ANKH: variants seen among roughly 807,000 people sequenced by gnomAD.
The protein encoded by ANKH is ANKH inorganic pyrophosphate transport regulator.
A neutral mutation model predicts 49.0 loss-of-function variants in ANKH; 15 were observed. That is an observed-to-expected ratio of 0.31 (90% confidence interval 0.20 to 0.47). The LOEUF (loss-of-function observed/expected upper bound fraction) is 0.47, where lower values mean the gene tolerates loss of function less well. ANKH is among the 20% of genes least tolerant of loss of function. The pLI is 1.00. For missense variants in ANKH, 429 were observed against 652.0 expected (o/e 0.66, Z 3.72); for synonymous variants, 273 against 260.0 (o/e 1.05, Z -0.48).
chr5:14,728,552 C>T (rs898357673), intron 8 of ANKH, among the ~76,000 whole-genome samples: 14 of 152,306 alleles, frequency 9.2e-5, no homozygotes, highest in African/African-American at 3.4e-4. Flanking sequence ...GGTGGCCCAG[C>T]ATTAACAAAG....
chr5:14,750,733 G>A (rs1034887755), intron 5 of ANKH, among the ~76,000 whole-genome samples: 12 of 152,094 alleles, frequency 7.9e-5, no homozygotes, highest in Non-Finnish European at 2.9e-5. Context: ...AGGTATCGTG[G>A]GTCCTAAAAC....
chr5:14,841,388 C>T (rs1159719171), intron 1 of ANKH, among the ~76,000 whole-genome samples: 1 of 151,970 alleles, frequency 6.6e-6, no homozygotes, highest in Non-Finnish European at 1.5e-5. Context: ...CCTCCGCCTC[C>T]CGGGTTCAAG....
At chr5:14,744,812 C>A (rs1336990296) in intron 7 of ANKH, among the ~76,000 whole-genome samples, 4 of 152,336 alleles carry the variant, frequency 2.6e-5, no homozygotes, top group African/African-American at 7.2e-5. Context: ...CTCAGGGGGG[C>A]ATTTTGGAAG....
chr5:14,829,618 C>G (rs1255126214), intron 1 of ANKH, among the ~76,000 whole-genome samples: 1 of 152,194 alleles, frequency 6.6e-6, no homozygotes, highest in Non-Finnish European at 1.5e-5. Flanking sequence ...ATCTAGAATT[C>G]ACTTCTGCCA....
chr5:14,731,790 G>A (rs1325299765), intron 8 of ANKH, among the ~76,000 whole-genome samples: 1 of 152,244 alleles, frequency 6.6e-6, no homozygotes, highest in African/African-American at 2.4e-5. Flanking sequence ...AGCAGGTATA[G>A]CCTTAGGCTG....
intron 1 of ANKH, among the ~76,000 whole-genome samples, chr5:14,864,527 G>T (rs1285734912): frequency 6.6e-6 from 1 of 152,166 alleles, no homozygotes. Flanking sequence ...GACTAAGGAG[G>T]TCACAGTGTC....
At position 14,713,117 on chromosome 5, in the gene ANKH, C is replaced by T. The variant is rs1561018279; in HGVS notation, c.1266-144G>A. 1 of 811,202 alleles carries T rather than the reference C, an allele frequency of 1.2e-6. No homozygotes were observed. The highest frequency in any genetic ancestry group is 2.0e-5 in the Admixed American group (1 of 49,126). 50.3% of individuals were successfully genotyped at this position (811,202 alleles called of 1,614,324 possible). On this transcript the variant is annotated intron_variant, in intron 10 of 11. Coordinates refer to ENST00000284268, the MANE Select transcript of ANKH (RefSeq NM_054027.6). The surrounding 1 kb of genome is among the most constrained non-coding windows in gnomAD (Gnocchi z 4.4). ...CCATCTGCTGGCTTCGTAAGGGCCGCAGCTAATAACCTAATGTGTGAGGGG... is the reference window on the plus strand; with the variant it reads ...CCATCTGCTGGCTTCGTAAGGGCCGTAGCTAATAACCTAATGTGTGAGGGG...
At position 14,709,911 on chromosome 5, in the gene ANKH, TTAAAA is replaced by T. The variant is rs1436642089; in HGVS notation, c.*1281_*1285del. 1 of 152,566 alleles carries T rather than the reference TTAAAA, an allele frequency of 6.6e-6. No individual in the cohort carries two copies. Among genetic ancestry groups the T allele is most frequent in the Non-Finnish European group, 1.5e-5 (1 of 68,052 alleles). 9.5% of individuals were successfully genotyped at this position (152,566 alleles called of 1,614,324 possible). A position where few individuals can be genotyped will look rare whatever the true frequency, so the allele number is the denominator to read the frequency against. On this transcript the variant is annotated 3_prime_UTR_variant, in exon 12 of 12. Coordinates refer to ENST00000284268, the MANE Select transcript of ANKH (RefSeq NM_054027.6). ...ACATATACAGCATATATTTATATCTTTAAAATATTTTTTTTTTTAGGTTCTTTCAG... is the reference window on the plus strand; with the variant it reads ...ACATATACAGCATATATTTATATCTTTATTTTTTTTTTTAGGTTCTTTCAG...
intron 1 of ANKH, among the ~76,000 whole-genome samples, chr5:14,824,223 T>G (rs999029983): frequency 3.9e-5 from 6 of 152,062 alleles, no homozygotes; most frequent in African/African-American, 1.5e-4. Flanking sequence ...AGTGATTTAT[T>G]TTTCAGATTT....
At chr5:14,749,018 C>T (rs1464431612) in intron 6 of ANKH, among the ~76,000 whole-genome samples, 154 bp downstream of exon 6, 1 of 152,218 alleles carries the variant, frequency 6.6e-6, no homozygotes, top group South Asian at 2.1e-4. Flanking sequence ...CTATAAGTCA[C>T]CGAACGAGAT....
At chr5:14,805,437 A>ATG (rs1337395956) in intron 1 of ANKH, among the ~76,000 whole-genome samples, 2 of 109,096 alleles carry the variant, frequency 1.8e-5, no homozygotes, top group African/African-American at 7.2e-5. Context: ...AAACATATAT[A>ATG]TGTGTGTGTG....
At chr5:14,718,839 C>CAA (rs1391402293) in intron 8 of ANKH, among the ~76,000 whole-genome samples, 1 of 133,826 alleles carries the variant, frequency 7.5e-6, no homozygotes, top group African/African-American at 2.8e-5. Context: ...ACCCCCCCCC[C>CAA]AAAAAAAAAA....
chr5:14,780,098 T>TG (rs1561051974), intron 1 of ANKH, among the ~76,000 whole-genome samples: 2 of 150,586 alleles, frequency 1.3e-5, no homozygotes, highest in African/African-American at 4.9e-5. Context: ...AAGCTGAGTG[T>TG]GCCGCTGACA....
intron 8 of ANKH, among the ~76,000 whole-genome samples, chr5:14,721,725 T>C (rs1043844369): frequency 6.6e-5 from 10 of 151,974 alleles, no homozygotes; most frequent in South Asian, 4.1e-4. Flanking sequence ...GGTCAGGAGA[T>C]CGAGACCATC....
At position 14,758,575 on chromosome 5, in the gene ANKH, TGTA is replaced by T; in HGVS notation, c.334_336del (p.Tyr112del). On this transcript the variant is annotated inframe_deletion, in exon 3 of 12. Transcript: ENST00000284268. ...TCCACATGGTGCAGTTTATTGATAA[TGTA>T]GTATCCTAAATCACTATAAGCTGCA... The T allele has an allele frequency of 6.2e-7, 1 of 1,613,666 alleles. No individual in the cohort carries two copies. Among genetic ancestry groups the T allele is most frequent in the Non-Finnish European group, 8.5e-7 (1 of 1,179,518 alleles).
intron 7 of ANKH, among the ~76,000 whole-genome samples, chr5:14,744,562 G>A (rs1580026222): frequency 7.4e-6 from 1 of 135,042 alleles, no homozygotes; most frequent in Admixed American, 7.1e-5. Flanking sequence ...TGTGGAGGTG[G>A]ACGTGTGTGT....
chr5:14,853,787 C>T (rs1163491278), intron 1 of ANKH, among the ~76,000 whole-genome samples: 1 of 151,996 alleles, frequency 6.6e-6, no homozygotes, highest in Non-Finnish European at 1.5e-5. Flanking sequence ...AAACTATATA[C>T]TAAAAACAAA....
At chr5:14,748,246 G>A (rs1240855045) in intron 6 of ANKH, among the ~76,000 whole-genome samples, 3 of 152,188 alleles carry the variant, frequency 2.0e-5, no homozygotes, top group African/African-American at 7.2e-5. Flanking sequence ...CAAAATCCAG[G>A]AACACATGAA....
intron 9 of ANKH, among the ~76,000 whole-genome samples, chr5:14,715,280 C>T (rs148485152): frequency 0.018 from 2,774 of 152,262 alleles, 95 homozygotes; most frequent in African/African-American, 0.063. Context: ...TACAGGCATG[C>T]GCCACCACGC....
Sources: allele counts gnomAD v4.1 joint callset (sites outside exome capture counted in the v4.1 genomes callset), GRCh38; gene constraint gnomAD v4.1.1; non-coding constraint Gnocchi (gnomAD v3.1); transcripts MANE v1.5; gene names NCBI Gene and HGNC (gene_info 2026-07-23, HGNC 2026-07-21).